Variants in TRIM24 observed in about 807,000 individuals in gnomAD.
TRIM24 encodes the protein tripartite motif containing 24, also known as transcription intermediary factor 1-alpha.
Under a neutral mutation model 123.9 loss-of-function variants are expected in TRIM24, and 29 were observed. The ratio of observed to expected loss-of-function variants is 0.23; its 90% confidence interval spans 0.17 to 0.32. TRIM24 has a LOEUF of 0.32. Ranked by LOEUF, TRIM24 falls within the 10% of genes least tolerant of loss-of-function variation. The probability of loss-of-function intolerance (pLI) is 1.00; values close to 1 mark genes in which losing one functional copy is unlikely to be tolerated. For missense variants in TRIM24, 932 were observed against 1,295.3 expected, an observed-to-expected ratio of 0.72 and a Z score of 4.31; for synonymous variants, 456 against 461.1, an observed-to-expected ratio of 0.99 and a Z score of 0.14.
chr7:138,482,757 G>GT (rs1563027009), intron 1 of TRIM24, among the ~76,000 whole-genome samples: 9 of 151,816 alleles, frequency 5.9e-5, no homozygotes, highest in Non-Finnish European at 2.9e-5. Context: ...AAATGTGTGG[G>GT]GTTTTTTTTC....
chr7:138,498,757 C>T (rs1255752195), intron 1 of TRIM24, among the ~76,000 whole-genome samples: 4 of 151,780 alleles, frequency 2.6e-5, no homozygotes, highest in Admixed American at 2.0e-4. Flanking sequence ...ACCTCCTCCT[C>T]CTGAGTAGCT....
intron 1 of TRIM24, among the ~76,000 whole-genome samples, chr7:138,464,323 C>T (rs1280330714): frequency 4.0e-5 from 6 of 151,798 alleles, no homozygotes; most frequent in East Asian, 1.9e-4. Flanking sequence ...AACTAAATAA[C>T]GGGTTCATTT....
At chr7:138,476,449 C>T (rs555106342) in intron 1 of TRIM24, among the ~76,000 whole-genome samples, 36 of 152,068 alleles carry the variant, frequency 2.4e-4, no homozygotes, top group Non-Finnish European at 4.0e-4. Flanking sequence ...AAAAATTAGC[C>T]GGGCATGGTG....
At chr7:138,481,980 C>T (rs554053790) in intron 1 of TRIM24, among the ~76,000 whole-genome samples, 35 of 152,138 alleles carry the variant, frequency 2.3e-4, no homozygotes, top group African/African-American at 8.4e-4. Context: ...TAGTACCATT[C>T]TTTTCCCAGT....
At chr7:138,583,274 G>GA (rs899668226) in intron 17 of TRIM24, among the ~76,000 whole-genome samples, 2 of 152,066 alleles carry the variant, frequency 1.3e-5, no homozygotes, top group African/African-American at 2.4e-5. Context: ...TAATAATGAA[G>GA]AAAAAAATCT....
chr7:138,531,772 A>G (rs1287717989), intron 6 of TRIM24, among the ~76,000 whole-genome samples: 3 of 152,192 alleles, frequency 2.0e-5, no homozygotes, highest in African/African-American at 4.8e-5. Context: ...TTCTAGTTCT[A>G]GATCCTTGAG....
intron 1 of TRIM24, among the ~76,000 whole-genome samples, chr7:138,492,906 A>G (rs964866765): frequency 3.3e-5 from 5 of 152,106 alleles, no homozygotes; most frequent in African/African-American, 1.2e-4. Flanking sequence ...CAGGTGCCTT[A>G]GGTTCTGTTA....
In TRIM24 at chr7:138,573,653, C is replaced by G. The variant is rs552026883; in HGVS notation, c.2014+11C>G. On this transcript the variant is annotated intron_variant, in intron 12 of 18. Transcript: ENST00000343526. ...CTCCAGGCCTTGCAGGTAAAGTGGGCTTCTTTTGATTTTTGTGAAAGTTTT... is the reference window on the plus strand; with the variant it reads ...CTCCAGGCCTTGCAGGTAAAGTGGGGTTCTTTTGATTTTTGTGAAAGTTTT... 2.5e-6 allele frequency: 4 copies of G among 1,590,010 alleles called. No homozygotes were observed. The South Asian group carries it at 4.7e-5, about 19-fold the overall frequency.
intron 7 of TRIM24, among the ~76,000 whole-genome samples, chr7:138,543,421 T>C (rs1294246792): frequency 1.3e-5 from 2 of 152,188 alleles, no homozygotes; most frequent in Non-Finnish European, 2.9e-5. Context: ...TTTTTAAACA[T>C]TTAGAAGATT....
intron 13 of TRIM24, 64 bp downstream of exon 13, chr7:138,576,509 G>C (rs1797762707): frequency 6.9e-7 from 1 of 1,440,724 alleles, no homozygotes; most frequent in Non-Finnish European, 9.7e-7. Flanking sequence ...TTTTGCCAGT[G>C]TTCAACATGT....
intron 7 of TRIM24, among the ~76,000 whole-genome samples, chr7:138,547,360 A>G (rs1404162059): frequency 3.9e-5 from 6 of 152,224 alleles, no homozygotes; most frequent in Non-Finnish European, 5.9e-5. Context: ...CTGTGTTTGT[A>G]TTCTTGAAAA....
chr7:138,462,946 C>T (rs13246362), intron 1 of TRIM24, among the ~76,000 whole-genome samples: 2,377 of 150,262 alleles, frequency 0.016, 43 homozygotes, highest in African/African-American at 0.047. Context: ...CTTGGCTCAC[C>T]GCAACCTCTG....
chr7:138,539,926 G>A (rs575885862), intron 7 of TRIM24, among the ~76,000 whole-genome samples: 59 of 150,478 alleles, frequency 3.9e-4, no homozygotes, highest in African/African-American at 1.3e-3. Flanking sequence ...TCAGCCTCCC[G>A]AGTAGCTGGA....
chr7:138,573,722 C>CCT, intron 12 of TRIM24, 80 bp downstream of exon 12: 1 of 1,459,344 alleles, frequency 6.9e-7, no homozygotes, highest in Non-Finnish European at 9.2e-7. Flanking sequence ...CCCCTCTTCT[C>CCT]CTTTTTTGTT....
Position 138,538,738 on chromosome 7 carries a change from A to T in TRIM24, c.1078A>T (p.Met360Leu). 1 of 1,611,518 alleles carries T rather than the reference A, an allele frequency of 6.2e-7. No individual in the cohort carries two copies. Among genetic ancestry groups the T allele is most frequent in the Non-Finnish European group, 8.5e-7 (1 of 1,177,640 alleles). Residue 360 changes from methionine to leucine, a missense_variant, in exon 7 of 19, where the codon ATG (methionine) becomes TTG (leucine). By Grantham distance (15) the Met-to-Leu change is conservative (BLOSUM62 2). Transcript: ENST00000343526. ...AGLSKQLEHVMHFSKWAVSSG... is the reference protein window; with the variant it reads ...AGLSKQLEHVLHFSKWAVSSG... ...ACTCTCTAAACAATTGGAGCATGTCATGCATTTTTCTAAATGGGCAGTTTC... is the reference window on the plus strand; with the variant it reads ...ACTCTCTAAACAATTGGAGCATGTCTTGCATTTTTCTAAATGGGCAGTTTC...
At chr7:138,490,400 G>T (rs1406024384) in intron 1 of TRIM24, among the ~76,000 whole-genome samples, 5 of 152,148 alleles carry the variant, frequency 3.3e-5, no homozygotes, top group African/African-American at 1.2e-4. Flanking sequence ...CGTTGCTGGC[G>T]AGGAGCTGCG....
At chr7:138,465,288 C>G (rs1385474547) in intron 1 of TRIM24, among the ~76,000 whole-genome samples, 1 of 152,118 alleles carries the variant, frequency 6.6e-6, no homozygotes, top group Non-Finnish European at 1.5e-5. Flanking sequence ...CTGTCATTTT[C>G]TTAGTATGCA....
intron 10 of TRIM24, among the ~76,000 whole-genome samples, 186 bp from the exon 11 acceptor site, chr7:138,570,644 G>GTTTT (rs199636029): frequency 1.5e-5 from 2 of 135,800 alleles, no homozygotes; most frequent in Non-Finnish European, 3.2e-5. Flanking sequence ...TACTGTTTTG[G>GTTTT]TTTTTTTTTT....
chr7:138,519,812 C>G (rs375629042), intron 4 of TRIM24, among the ~76,000 whole-genome samples: 1 of 152,132 alleles, frequency 6.6e-6, no homozygotes, highest in Non-Finnish European at 1.5e-5. Context: ...TTCATGTCAA[C>G]ATTTGAGGCA....
Sources: allele counts gnomAD v4.1 joint callset (sites outside exome capture counted in the v4.1 genomes callset), GRCh38; gene constraint gnomAD v4.1.1; transcripts MANE v1.5; gene names NCBI Gene and HGNC (gene_info 2026-07-23, HGNC 2026-07-21).